GTF2H3: variants seen among roughly 807,000 people sequenced by gnomAD.
GTF2H3 encodes TFIIH basal transcription factor complex p34 subunit.
GTF2H3 carries 42 observed loss-of-function variants against 51.1 expected under a neutral mutation model. That is an observed-to-expected ratio of 0.82 (90% confidence interval 0.64 to 1.06). GTF2H3 has a LOEUF of 1.06. Among genes scored for constraint, GTF2H3 ranks in the 50% least tolerant of loss-of-function variants. GTF2H3 has a pLI of 0.00. For synonymous variants in GTF2H3, 123 were observed against 123.8 expected (o/e 0.99, Z 0.04); for missense variants, 326 against 366.1 (o/e 0.89, Z 0.89).
intron 11 of GTF2H3, 45 bp downstream of exon 11, chr12:123,659,975 G>A (rs1193942965): frequency 5.6e-6 from 9 of 1,602,790 alleles, no homozygotes; most frequent in Non-Finnish European, 7.6e-6. Flanking sequence ...ATGTTGGGGG[G>A]CAGGAAAACA....
chr12:123,642,412 G>T (rs1593797446), intron 2 of GTF2H3, among the ~76,000 whole-genome samples: 1 of 150,350 alleles, frequency 6.7e-6, no homozygotes, highest in Non-Finnish European at 1.5e-5. Flanking sequence ...CTCGTGATCC[G>T]CCCACCTCAG....
intron 1 of GTF2H3, among the ~76,000 whole-genome samples, chr12:123,637,974 A>G (rs1945417149): frequency 6.6e-6 from 1 of 151,206 alleles, no homozygotes; most frequent in African/African-American, 2.5e-5. Context: ...TTCAGAATGC[A>G]GTAGGTGGTT....
chr12:123,657,311 A>C (rs1955599051), intron 9 of GTF2H3, among the ~76,000 whole-genome samples: 1 of 152,212 alleles, frequency 6.6e-6, no homozygotes. Flanking sequence ...AGGGCCTGCC[A>C]GGGCCTTCCA....
chr12:123,637,692 C>T lies in GTF2H3; in HGVS notation c.14-1572C>T, dbSNP rs532830723. ...TAATATTTTGTATTTTTAGTAGGGA[C>T]GGGGTTTTGCCATATTGGCTAGGCT... On this transcript the variant is annotated intron_variant, in intron 1 of 12. Coordinates refer to ENST00000543341, the MANE Select transcript of GTF2H3 (RefSeq NM_001516.5). Among the ~76,000 whole-genome samples the T allele has an allele frequency of 7.2e-5, 11 of 151,840 alleles. No homozygotes were observed. In the South Asian group the frequency reaches 8.3e-4, roughly 11 times the overall value.
In GTF2H3 at chr12:123,659,164, G is replaced by A. The variant is rs546504735; in HGVS notation, c.616-352G>A. 1.1e-4 allele frequency among the ~76,000 whole-genome samples: 16 copies of A among 152,270 alleles called. No homozygotes were observed. The South Asian group carries it at 2.7e-3, about 26-fold the overall frequency. On this transcript the variant is annotated intron_variant, in intron 9 of 12. Transcript: ENST00000543341. ...GTTCAGAACTTCCTCGAAAAGTTAA[G>A]CATAGAATTACCATGTGACTGGGGA...
chr12:123,651,253 C>T (rs11572968), intron 5 of GTF2H3, 197 bp downstream of exon 5: 5,914 of 423,782 alleles, frequency 0.014, 73 homozygotes, highest in Non-Finnish European at 0.022. Context: ...CTCTGTCGCC[C>T]AAGTTGGAGT....
At position 123,633,857 on chromosome 12, in the gene GTF2H3, G is replaced by C. The variant is rs1158251925; in HGVS notation, c.-3G>C. The C allele has an allele frequency of 1.2e-6, 2 of 1,613,200 alleles. No individual in the cohort carries two copies. The highest frequency in any genetic ancestry group is 1.7e-6 in the Non-Finnish European group (2 of 1,180,020). On this transcript the variant is annotated 5_prime_UTR_variant, in exon 1 of 13. Coordinates refer to ENST00000543341, the MANE Select transcript of GTF2H3 (RefSeq NM_001516.5). ...TGCTCTGCGCTGAGGTGCTGGGACA[G>C]CCATGGTTTCAGACGGTGAGGACCC...
chr12:123,659,808 C>T lies in GTF2H3; in HGVS notation c.698C>T (p.Pro233Leu), dbSNP rs936228264. ...TTTGTTTTACAGTGGGTGTTTCTTCCCGATCAAGATCAGAGATCTCAGTTA... is the reference window on the plus strand; with the variant it reads ...TTTGTTTTACAGTGGGTGTTTCTTCTCGATCAAGATCAGAGATCTCAGTTA... ...LLQYLLWVFL[P>L]DQDQRSQLIL... Residue 233 changes from proline to leucine, a missense_variant, in exon 11 of 13, where the codon CCC (proline) becomes CTC (leucine). Physicochemically the swap from Pro to Leu is moderately conservative, Grantham distance 98 (BLOSUM62 -3). Transcript: ENST00000543341. The T allele has an allele frequency of 1.6e-5, 26 of 1,611,644 alleles. No individual in the cohort carries two copies. The African/African-American group carries it at 3.5e-4, about 22-fold the overall frequency.
rs190059963 is a variant in GTF2H3, at chr12:123,646,724, C to T, written c.200+1163C>T. 4.9e-4 allele frequency among the ~76,000 whole-genome samples: 75 copies of T among 152,062 alleles called. 1 individual carries two copies. Among genetic ancestry groups the T allele is most frequent in the Middle Eastern group, 3.4e-3 (1 of 292 alleles). On this transcript the variant is annotated intron_variant, in intron 3 of 12. Coordinates refer to ENST00000543341, the MANE Select transcript of GTF2H3 (RefSeq NM_001516.5). Reference sequence around the variant, plus strand: ...AAACACATACTCTTACTCCCATCCTCGCTGCATATTTTTTCTCAGAATTGG... The same window carrying T: ...AAACACATACTCTTACTCCCATCCTTGCTGCATATTTTTTCTCAGAATTGG...
chr12:123,640,015 T>A, intron 2 of GTF2H3: 1 of 453,972 alleles, frequency 2.2e-6, no homozygotes, highest in Non-Finnish European at 4.4e-6. Context: ...CGTACCACCA[T>A]GCTCAGCTAA....
Position 123,633,849 on chromosome 12 carries a change from C to A in GTF2H3, c.-11C>A, listed in dbSNP as rs773368651. 15 of 1,613,092 alleles carry A rather than the reference C, an allele frequency of 9.3e-6. No individual in the cohort carries two copies. Among genetic ancestry groups the A allele is most frequent in the African/African-American group, 1.3e-5 (1 of 75,032 alleles). ...CCACCACTTGCTCTGCGCTGAGGTG[C>A]TGGGACAGCCATGGTTTCAGACGGT... On this transcript the variant is annotated 5_prime_UTR_variant, in exon 1 of 13. In the 5' UTR this introduces an upstream ATG that the reference lacks. Coordinates refer to ENST00000543341, the MANE Select transcript of GTF2H3 (RefSeq NM_001516.5).
rs1191432224 is a variant in GTF2H3 at position 123,651,047 on chromosome 12, G to T, written c.418G>T (p.Ala140Ser). 3 of 1,610,834 alleles carry T rather than the reference G, an allele frequency of 1.9e-6. No individual in the cohort carries two copies. In the Admixed American group the frequency reaches 5.0e-5, roughly 27 times the overall value. The change falls in exon 5 of 13, where the codon GCC (alanine) becomes TCC (serine). Residue 140 changes from alanine to serine, a missense_variant. Coordinates refer to ENST00000543341, the MANE Select transcript of GTF2H3 (RefSeq NM_001516.5). ...ETLLAGSLAKALCYIHRMNKE... is the reference protein window; with the variant it reads ...ETLLAGSLAKSLCYIHRMNKE... ...TTTGCTGGCAGGATCCCTGGCCAAA[G>T]CCCTTTGCTGTATCCTTGGTGTCTG...
intron 7 of GTF2H3, among the ~76,000 whole-genome samples, chr12:123,653,458 G>A (rs1159819236): frequency 2.0e-5 from 3 of 151,964 alleles, no homozygotes; most frequent in African/African-American, 4.8e-5. Flanking sequence ...TCAGGAGATC[G>A]AAACCAACCT....
intron 8 of GTF2H3, 109 bp downstream of exon 8, chr12:123,655,107 G>A: frequency 1.2e-6 from 1 of 818,498 alleles, no homozygotes; most frequent in Non-Finnish European, 2.1e-6. Flanking sequence ...CTTATGAATG[G>A]GCAAGGAATC....
At chr12:123,658,354 A>G (rs1593815434) in intron 9 of GTF2H3, among the ~76,000 whole-genome samples, 1 of 152,074 alleles carries the variant, frequency 6.6e-6, no homozygotes, top group South Asian at 2.1e-4. Flanking sequence ...AGCGGCTGGG[A>G]TTACAGGTGC....
At chr12:123,649,754 T>C (rs772310515) in intron 4 of GTF2H3, 18 of 152,288 alleles carry the variant, frequency 1.2e-4, no homozygotes, top group Non-Finnish European at 2.5e-4. Context: ...TGGGGAGTGA[T>C]TGCAAATGGG....
At chr12:123,637,077 A>C (rs1448070679) in intron 1 of GTF2H3, among the ~76,000 whole-genome samples, 3 of 152,122 alleles carry the variant, frequency 2.0e-5, no homozygotes, top group Non-Finnish European at 4.4e-5. Flanking sequence ...TTGTCTCAAA[A>C]ATTTGTTTAA....
At chr12:123,635,055 C>G (rs1378181023) in intron 1 of GTF2H3, among the ~76,000 whole-genome samples, 1 of 152,102 alleles carries the variant, frequency 6.6e-6, no homozygotes, top group Non-Finnish European at 1.5e-5. Context: ...GAAACCATAC[C>G]ACAACCCTGT....
chr12:123,647,495 A>G (rs1484823887), intron 3 of GTF2H3, among the ~76,000 whole-genome samples: 1 of 152,076 alleles, frequency 6.6e-6, no homozygotes, highest in Non-Finnish European at 1.5e-5. Context: ...GTCATGAATC[A>G]CTGGGAGAAT....
Sources: allele counts gnomAD v4.1 joint callset (sites outside exome capture counted in the v4.1 genomes callset), GRCh38; gene constraint gnomAD v4.1.1; transcripts MANE v1.5; gene names NCBI Gene and HGNC (gene_info 2026-07-23, HGNC 2026-07-21).